Variants in SNRPD2 observed in about 807,000 individuals in gnomAD.
SNRPD2 encodes the protein small nuclear ribonucleoprotein Sm D2.
A neutral mutation model predicts 11.5 loss-of-function variants in SNRPD2; 1 was observed. The ratio of observed to expected loss-of-function variants is 0.09; its 90% CI spans 0.03 to 0.41. The LOEUF (loss-of-function observed/expected upper bound fraction) is 0.41, where lower values mean the gene tolerates loss of function less well. SNRPD2 is among the 10% of genes least tolerant of loss of function. The pLI is 0.98. For missense variants in SNRPD2, 77 were observed against 154.9 expected, an observed-to-expected ratio of 0.50 and a Z score of 2.67; for synonymous variants, 63 against 61.5, an observed-to-expected ratio of 1.02 and a Z score of -0.12.
At chr19:45,690,938 A>G (rs376499901) in intron 1 of SNRPD2, among the ~76,000 whole-genome samples, 94 of 152,238 alleles carry the variant, frequency 6.2e-4, no homozygotes, top group Middle Eastern at 3.4e-3. Context: ...TGTCTGATAC[A>G]TAAGCATTCA....
intron 1 of SNRPD2, chr19:45,690,456 A>G (rs964585816): frequency 6.6e-6 from 1 of 151,292 alleles, no homozygotes; most frequent in Non-Finnish European, 1.5e-5. Context: ...CTACACTCCA[A>G]TCTGGGTGAC....
Position 45,687,739 on chromosome 19 carries a change from C to A in SNRPD2, c.183-12G>T. 6.2e-7 allele frequency: 1 copy of A among 1,611,836 alleles called. No individual in the cohort carries two copies. The highest frequency in any genetic ancestry group is 8.5e-7 in the Non-Finnish European group (1 of 1,178,966). On this transcript the variant is annotated splice_polypyrimidine_tract_variant and intron_variant, in intron 2 of 2. Coordinates refer to ENST00000342669, the MANE Select transcript of SNRPD2 (RefSeq NM_001384647.1). The surrounding 1 kb of genome is among the most constrained non-coding windows in gnomAD (Gnocchi z 4.1). Reference sequence around the variant, plus strand: ...CCATGTTGCAGTGCCTGGTGGGGAACAGGGAGGGGAGGCACTGGGCGTGAG... The same window carrying A: ...CCATGTTGCAGTGCCTGGTGGGGAAAAGGGAGGGGAGGCACTGGGCGTGAG...
intron 1 of SNRPD2, among the ~76,000 whole-genome samples, chr19:45,690,369 C>T (rs1005533947): frequency 2.0e-5 from 3 of 146,748 alleles, no homozygotes; most frequent in South Asian, 2.2e-4. Flanking sequence ...GGCATGGTGG[C>T]GCATGCTTGT....
At chr19:45,692,137 G>C, upstream of SNRPD2, 2 of 892,580 alleles carry the variant, frequency 2.2e-6, no homozygotes, top group African/African-American at 1.7e-5. Flanking sequence ...TGACAATGAA[G>C]ACAAAAGGAA....
At chr19:45,690,391 C>T (rs1448738840) in intron 1 of SNRPD2, among the ~76,000 whole-genome samples, 3 of 150,036 alleles carry the variant, frequency 2.0e-5, no homozygotes, top group Non-Finnish European at 4.4e-5. Flanking sequence ...ATCCTAGCTA[C>T]TTTGAAGGCT....
upstream of SNRPD2, chr19:45,692,047 A>C: frequency 6.3e-7 from 1 of 1,576,730 alleles, no homozygotes; most frequent in Non-Finnish European, 8.6e-7. Context: ...AGCATTCCCC[A>C]CCAACGGTGC....
At chr19:45,691,535 A>ATT (rs764452913) in intron 1 of SNRPD2, 20 of 232,628 alleles carry the variant, frequency 8.6e-5, no homozygotes, top group Non-Finnish European at 1.5e-4. Context: ...TTCATAATTA[A>ATT]ATTTTTTTTT....
Position 45,691,932 on chromosome 19 carries a change from G to C in SNRPD2, c.-44C>G. 6.2e-7 allele frequency: 1 copy of C among 1,614,060 alleles called. No individual in the cohort carries two copies. On this transcript the variant is annotated 5_prime_UTR_variant, in exon 1 of 3. Transcript: ENST00000342669. ...CGTTCACTCCCGTTTCCTCCGCGTT[G>C]CTGCTGCCTGAGGAGAGAGAGGCGG...
chr19:45,691,056 T>TATCAAA (rs1263760305), intron 1 of SNRPD2, among the ~76,000 whole-genome samples: 1 of 152,148 alleles, frequency 6.6e-6, no homozygotes, highest in Non-Finnish European at 1.5e-5. Context: ...CCAGCTCAAA[T>TATCAAA]GATCAAGATA....
chr19:45,689,951 C>T (rs1187627155), intron 1 of SNRPD2, among the ~76,000 whole-genome samples: 2 of 150,624 alleles, frequency 1.3e-5, no homozygotes, highest in Admixed American at 6.6e-5. Context: ...GCAGCAGAAA[C>T]GCTTGAGCCC....
chr19:45,687,767 G>A lies in SNRPD2; in HGVS notation c.183-40C>T. ...GGAGGGGAGGCACTGGGCGTGAGGG[G>A]CGTGCCTCTGACAGTGCCCCCTACT... On this transcript the variant is annotated intron_variant, in intron 2 of 2. Coordinates refer to ENST00000342669, the MANE Select transcript of SNRPD2 (RefSeq NM_001384647.1). This position sits in a 1 kb window ranked among gnomAD's most constrained non-coding sequence, Gnocchi z 4.1. 1 of 1,537,516 alleles carries A rather than the reference G, an allele frequency of 6.5e-7. No homozygotes were observed. Among genetic ancestry groups the A allele is most frequent in the Non-Finnish European group, 9.0e-7 (1 of 1,115,116 alleles).
Position 45,688,309 on chromosome 19 carries a change from G to A in SNRPD2, c.182+78C>T, listed in dbSNP as rs1464705885. On this transcript the variant is annotated intron_variant, in intron 2 of 2. Transcript: ENST00000342669. The surrounding 1 kb of genome is among the most constrained non-coding windows in gnomAD (Gnocchi z 4.1). ...TACACCCCAGGCTTCTGAGACAGCT[G>A]TCTTTGAGCTCTTCAGACTGGAGCT... 3.9e-6 allele frequency: 5 copies of A among 1,293,622 alleles called. No individual in the cohort carries two copies. Among genetic ancestry groups the A allele is most frequent in the Non-Finnish European group, 3.3e-6 (3 of 908,654 alleles). 80.1% of individuals were successfully genotyped at this position (1,293,622 alleles called of 1,614,324 possible). A position where few individuals can be genotyped will look rare whatever the true frequency, so the allele number is the denominator to read the frequency against.
chr19:45,689,525 A>G (rs947629531), intron 1 of SNRPD2, among the ~76,000 whole-genome samples: 5 of 151,838 alleles, frequency 3.3e-5, no homozygotes, highest in Non-Finnish European at 7.4e-5. Flanking sequence ...AAACAAAACA[A>G]AACAAAACAA....
rs1401212735 is a variant in SNRPD2, at chr19:45,691,908, G to A, written c.-20C>T. 7 of 1,613,902 alleles carry A rather than the reference G, an allele frequency of 4.3e-6. No homozygotes were observed. The highest frequency in any genetic ancestry group is 3.3e-5 in the Admixed American group (2 of 59,988). On this transcript the variant is annotated 5_prime_UTR_variant, in exon 1 of 3. The change creates a new upstream start codon in the 5' untranslated region. Coordinates refer to ENST00000342669, the MANE Select transcript of SNRPD2 (RefSeq NM_001384647.1). ...TCACATGATGGTCACTACGCTCTCC[G>A]TTCACTCCCGTTTCCTCCGCGTTGC...
upstream of SNRPD2, chr19:45,692,188 G>A (rs1345690745): frequency 1.9e-6 from 1 of 523,468 alleles, no homozygotes; most frequent in African/African-American, 1.9e-5. Flanking sequence ...AATGGTACAG[G>A]TTGAAGGAGG....
In SNRPD2 at chr19:45,687,892, T is replaced by G; in HGVS notation, c.183-165A>C. On this transcript the variant is annotated intron_variant, in intron 2 of 2. Transcript: ENST00000342669. The surrounding 1 kb of genome is among the most constrained non-coding windows in gnomAD (Gnocchi z 4.1). Reference sequence around the variant, plus strand: ...AAAGCAACTCTGCCAGTCCTTAGGTTGAGGCTGAGGCAAAGGACTGCACCT... The same window carrying G: ...AAAGCAACTCTGCCAGTCCTTAGGTGGAGGCTGAGGCAAAGGACTGCACCT... 1.6e-6 allele frequency: 1 copy of G among 616,060 alleles called. No individual in the cohort carries two copies. 38.2% of individuals were successfully genotyped at this position (616,060 alleles called of 1,614,324 possible). A position where few individuals can be genotyped will look rare whatever the true frequency, so the allele number is the denominator to read the frequency against.
In SNRPD2 at chr19:45,688,425, G is replaced by C; in HGVS notation, c.144C>G (p.Asn48Lys). The C allele has an allele frequency of 6.2e-7, 1 of 1,614,194 alleles. No individual in the cohort carries two copies. The highest frequency in any genetic ancestry group is 8.5e-7 in the Non-Finnish European group (1 of 1,180,036). ...NNTQVLINCR[N>K]NKKLLGRVKA... ...TCACGCGGCCCAGGAGTTTCTTATT[G>C]TTGCGGCAGTTGATGAGCACTTGGG... Residue 48 changes from asparagine to lysine, a missense_variant, in exon 2 of 3, where the codon AAC becomes AAG. Physicochemically the swap from Asn to Lys is moderately conservative, Grantham distance 94 (BLOSUM62 0). Coordinates refer to ENST00000342669, the MANE Select transcript of SNRPD2 (RefSeq NM_001384647.1). This position sits in a 1 kb window ranked among gnomAD's most constrained non-coding sequence, Gnocchi z 4.1.
chr19:45,691,955 C>T (rs1220504467), upstream of SNRPD2: 1 of 1,613,672 alleles, frequency 6.2e-7, no homozygotes, highest in Non-Finnish European at 8.5e-7. Context: ...GAGAGAGAGG[C>T]GGGACTTCCT....
chr19:45,691,526 T>C (rs1479291870), intron 1 of SNRPD2: 1 of 248,242 alleles, frequency 4.0e-6, no homozygotes, highest in East Asian at 8.1e-5. Flanking sequence ...AACATGTTTT[T>C]CATAATTAAA....
Sources: allele counts gnomAD v4.1 joint callset (sites outside exome capture counted in the v4.1 genomes callset), GRCh38; gene constraint gnomAD v4.1.1; non-coding constraint Gnocchi (gnomAD v3.1); transcripts MANE v1.5; gene names NCBI Gene and HGNC (gene_info 2026-07-23, HGNC 2026-07-21).